IL4I1: variants seen among roughly 807,000 people sequenced by gnomAD.
The protein encoded by IL4I1 is L-amino-acid oxidase.
A neutral mutation model predicts 29.7 loss-of-function variants in IL4I1; 24 were observed. The observed-to-expected ratio is 0.81, with a 90% CI of 0.59 to 1.14. The LOEUF is 1.14. IL4I1 is among the 50% of genes most tolerant of loss of function. The pLI, the probability that IL4I1 is intolerant of heterozygous loss-of-function variation, is 0.00. For synonymous variants in IL4I1, 371 were observed against 352.5 expected (o/e 1.05, Z -0.59); for missense variants, 686 against 785.6 (o/e 0.87, Z 1.52).
At chr19:49,927,192 C>T (rs2075917324) in intron 2 of IL4I1, among the ~76,000 whole-genome samples, 1 of 152,028 alleles carries the variant, frequency 6.6e-6, no homozygotes, top group African/African-American at 2.4e-5. Context: ...CCACTTCGTA[C>T]CACAGGGGAA....
chr19:49,910,096 C>T lies in IL4I1; in HGVS notation c.-227-5775G>A, dbSNP rs3745490. ...GAGGAGCCGGGGTGCTAGGGACGTG[C>T]GTGGCCATGTTCAGCCCAGTGGAAA... On this transcript the variant is annotated intron_variant, in intron 2 of 9. Coordinates refer to the IL4I1 transcript ENST00000341114. Among the ~76,000 whole-genome samples, 19 of 152,138 alleles carry T rather than the reference C, an allele frequency of 1.2e-4. No individual in the cohort carries two copies. In the East Asian group the frequency reaches 3.3e-3, roughly 26 times the overall value.
rs752651371 is a variant in IL4I1, at chr19:49,890,515, C to T, written c.859G>A (p.Val287Met). 5 of 1,610,004 alleles carry T rather than the reference C, an allele frequency of 3.1e-6. No individual in the cohort carries two copies. The highest frequency in any genetic ancestry group is 2.2e-5 in the East Asian group (1 of 44,860). ...TGCGGTCCCTGGGTCATCGCCACCA[C>T]GGGCGCGTTCAACAGCACAAGCCCG... ...LSGLVLLNAP[V>M]VAMTQGPHDV... The change falls in exon 8 of 8, where the codon GTG (valine) becomes ATG (methionine). Residue 287 changes from valine (V) to methionine (M), a missense_variant. Coordinates refer to ENST00000391826, the MANE Select transcript of IL4I1 (RefSeq NM_152899.2).
upstream of IL4I1, among the ~76,000 whole-genome samples, chr19:49,901,325 G>A (rs1395041867): frequency 6.6e-6 from 1 of 152,138 alleles, no homozygotes; most frequent in Non-Finnish European, 1.5e-5. Context: ...CAGAGGTTGC[G>A]GTGAGCCGAG....
chr19:49,922,907 C>T (rs1333108141), intron 2 of IL4I1, among the ~76,000 whole-genome samples: 1 of 152,142 alleles, frequency 6.6e-6, no homozygotes, highest in Non-Finnish European at 1.5e-5. Context: ...ATGTCAACCC[C>T]CTGCCCCTCC....
In IL4I1 at chr19:49,894,381, C is replaced by T. The variant is rs750991472; in HGVS notation, c.454G>A (p.Val152Met). The T allele has an allele frequency of 4.3e-6, 7 of 1,614,144 alleles. No individual in the cohort carries two copies. Among genetic ancestry groups the T allele is most frequent in the African/African-American group, 1.3e-5 (1 of 74,952 alleles). ...TCCACCACATAGTTGCGCAGCTTCA[C>T]TTCGTGCACCTCCGTCCACGTGTTC... is the stretch of plus-strand genomic sequence containing the variant. ...DKNTWTEVHE[V>M]KLRNYVVEKV... Residue 152 changes from valine (V) to methionine (M), a missense_variant, in exon 5 of 8, where the codon GTG (valine) becomes ATG (methionine). Val to Met is a conservative substitution (Grantham distance 21). Coordinates refer to ENST00000391826, the MANE Select transcript of IL4I1 (RefSeq NM_152899.2).
At chr19:49,890,723 C>T (rs937397960) in intron 7 of IL4I1, 123 bp from the exon 8 acceptor site, 27 of 940,500 alleles carry the variant, frequency 2.9e-5, no homozygotes, top group Non-Finnish European at 4.0e-5. Flanking sequence ...CCGTCATCCA[C>T]CTCTCCCGAC....
chr19:49,909,159 T>C (rs1202265242), intron 2 of IL4I1: 1 of 1,613,208 alleles, frequency 6.2e-7, no homozygotes, highest in Non-Finnish European at 8.5e-7. Context: ...CTGGGCCCAG[T>C]GCTGGTGATG....
intron 2 of IL4I1, among the ~76,000 whole-genome samples, chr19:49,922,769 A>G (rs1288486407): frequency 1.3e-5 from 2 of 150,408 alleles, no homozygotes; most frequent in Non-Finnish European, 2.9e-5. Context: ...TTGCACCACC[A>G]GCGCTGCCAG....
At position 49,907,537 on chromosome 19, in the gene IL4I1, C is replaced by CTT. The variant is rs4009637; in HGVS notation, c.-227-3218_-227-3217dup. 3,072 of 330,054 alleles carry CTT rather than the reference C, an allele frequency of 9.3e-3. 1 individual carries two copies. Among genetic ancestry groups the CTT allele is most frequent in the South Asian group, 0.017 (759 of 45,780 alleles). 20.4% of individuals were successfully genotyped at this position (330,054 alleles called of 1,614,324 possible). A position where few individuals can be genotyped will look rare whatever the true frequency, so the allele number is the denominator to read the frequency against. On this transcript the variant is annotated intron_variant, in intron 2 of 9. Transcript: ENST00000341114. ...CTAGGCTGCTGTCTCCTGGGAGTTT[C>CTT]TTTTTTTTTTTTTTTTTTTTTGAGA... is the stretch of plus-strand genomic sequence containing the variant.
At chr19:49,912,844 C>T (rs563235628) in intron 2 of IL4I1, 42 of 152,428 alleles carry the variant, frequency 2.8e-4, no homozygotes, top group Admixed American at 1.0e-3. Context: ...CCAGCCTGGG[C>T]AACAGAGTGA....
rs539312681 is a variant in IL4I1, at chr19:49,912,128, CA to C, written c.-227-7808del. Among the ~76,000 whole-genome samples, 203 of 150,398 alleles carry C rather than the reference CA, an allele frequency of 1.3e-3. 1 individual carries two copies. Among genetic ancestry groups the C allele is most frequent in the Non-Finnish European group, 2.1e-3 (141 of 67,686 alleles). On this transcript the variant is annotated intron_variant, in intron 2 of 9. Coordinates refer to the IL4I1 transcript ENST00000341114. ...AACTATGAAAAAACTACAAGGAAAA[CA>C]ATCTTCTATGGGGACTTGTCTGGCT...
chr19:49,915,478 G>C (rs1290743), intron 2 of IL4I1, among the ~76,000 whole-genome samples: 3 of 152,152 alleles, frequency 2.0e-5, no homozygotes, highest in African/African-American at 7.2e-5. Flanking sequence ...GAGTTTCCCA[G>C]AGGAACTACA....
At chr19:49,924,537 G>A (rs926976723) in intron 2 of IL4I1, among the ~76,000 whole-genome samples, 4 of 152,118 alleles carry the variant, frequency 2.6e-5, no homozygotes, top group African/African-American at 7.2e-5. Flanking sequence ...CCTCCGCACC[G>A]AAAAAGAGTC....
At chr19:49,924,047 G>A (rs549281805) in intron 2 of IL4I1, among the ~76,000 whole-genome samples, 1 of 152,348 alleles carries the variant, frequency 6.6e-6, no homozygotes, top group Admixed American at 6.5e-5. Context: ...CGATGGCACG[G>A]TGCAGGTGCA....
intron 2 of IL4I1, among the ~76,000 whole-genome samples, chr19:49,916,439 C>T (rs1481842688): frequency 2.0e-5 from 3 of 149,740 alleles, no homozygotes; most frequent in Non-Finnish European, 3.0e-5. Flanking sequence ...CTGCAAGCTC[C>T]GCCTCCCGGT....
At chr19:49,919,923 TAAA>T (rs1193814051) in intron 2 of IL4I1, among the ~76,000 whole-genome samples, 3 of 151,828 alleles carry the variant, frequency 2.0e-5, no homozygotes, top group Non-Finnish European at 2.9e-5. Context: ...CCTACTGCAT[TAAA>T]AAAAAATTTT....
At chr19:49,928,498 C>T (rs36220126) in intron 1 of IL4I1, 3 of 142,650 alleles carry the variant, frequency 2.1e-5, no homozygotes, top group African/African-American at 5.2e-5. Context: ...GCCTGGGCGA[C>T]AGAGACGGAG....
At chr19:49,903,691 C>T (rs2075290100) in intron 3 of IL4I1, among the ~76,000 whole-genome samples, 2 of 152,134 alleles carry the variant, frequency 1.3e-5, no homozygotes, top group African/African-American at 4.8e-5. Flanking sequence ...AGCTGATTTA[C>T]ATTTTCAGGA....
chr19:49,910,470 G>C (rs1818092295), intron 2 of IL4I1, among the ~76,000 whole-genome samples: 1 of 152,100 alleles, frequency 6.6e-6, no homozygotes, highest in African/African-American at 2.4e-5. Flanking sequence ...CTCAGGGGAG[G>C]GTCTGAAACC....
Sources: gnomAD v4.1 joint callset for allele counts (sites outside exome capture counted in the v4.1 genomes callset) on GRCh38, gnomAD v4.1.1 for gene constraint, MANE v1.5 for transcripts, NCBI Gene and HGNC (gene_info 2026-07-23, HGNC 2026-07-21) for gene names.